THSD7B: variants seen among roughly 807,000 people sequenced by gnomAD.
The protein encoded by THSD7B is thrombospondin type 1 domain containing 7B, also known as thrombospondin type-1 domain-containing protein 7B.
Under a neutral mutation model 213.6 loss-of-function variants are expected in THSD7B, and 138 were observed. That is an observed-to-expected ratio of 0.65 (90% CI 0.56 to 0.74). The LOEUF is 0.74. Among genes scored for constraint, THSD7B ranks in the 30% least tolerant of loss-of-function variants. The probability of loss-of-function intolerance (pLI) is 0.00; values close to 1 mark genes in which losing one functional copy is unlikely to be tolerated. For synonymous variants in THSD7B, 742 were observed against 687.0 expected (o/e 1.08, Z -1.25); for missense variants, 1,931 against 1,991.5 (o/e 0.97, Z 0.58).
chr2:137,201,756 G>C (rs1680879583), intron 7 of THSD7B, among the ~76,000 whole-genome samples: 1 of 152,130 alleles, frequency 6.6e-6, no homozygotes, highest in African/African-American at 2.4e-5. Context: ...GAGAGTGCGA[G>C]GTGCCACATC....
intron 2 of THSD7B, among the ~76,000 whole-genome samples, chr2:136,896,852 A>T (rs1044939375): frequency 1.3e-5 from 2 of 152,064 alleles, no homozygotes; most frequent in Non-Finnish European, 2.9e-5. Flanking sequence ...AATTAAATGT[A>T]AATATTAGAG....
intron 14 of THSD7B, among the ~76,000 whole-genome samples, chr2:137,447,740 T>G (rs1687570646): frequency 6.6e-6 from 1 of 151,884 alleles, no homozygotes; most frequent in African/African-American, 2.4e-5. Flanking sequence ...TTAAATTCAT[T>G]ATAATATTAA....
intron 7 of THSD7B, 70 bp downstream of exon 7, chr2:137,171,008 C>T (rs962603833): frequency 1.2e-5 from 17 of 1,457,542 alleles, no homozygotes; most frequent in Non-Finnish European, 1.5e-5. Context: ...GACCACCCTT[C>T]AATAGATCAT....
At chr2:136,770,950 G>A (rs1040201123) in intron 1 of THSD7B, among the ~76,000 whole-genome samples, 1 of 151,888 alleles carries the variant, frequency 6.6e-6, no homozygotes. Flanking sequence ...TATAAAATAA[G>A]GATATTAAGT....
At chr2:137,552,567 A>G (rs1680870721) in intron 15 of THSD7B, among the ~76,000 whole-genome samples, 1 of 152,180 alleles carries the variant, frequency 6.6e-6, no homozygotes, top group South Asian at 2.1e-4. Context: ...CATAAGCTAT[A>G]AAGTTCTACA....
intron 2 of THSD7B, among the ~76,000 whole-genome samples, chr2:137,005,300 C>T (rs920714210): frequency 6.6e-6 from 1 of 152,192 alleles, no homozygotes; most frequent in Non-Finnish European, 1.5e-5. Context: ...TCTGCCAAAG[C>T]ATGTCAGTTG....
chr2:137,493,800 A>G (rs891630958), intron 15 of THSD7B, among the ~76,000 whole-genome samples: 1 of 152,064 alleles, frequency 6.6e-6, no homozygotes, highest in Non-Finnish European at 1.5e-5. Context: ...CATTTTCATC[A>G]GATGTATTTT....
At chr2:137,196,652 T>C (rs993672868) in intron 7 of THSD7B, among the ~76,000 whole-genome samples, 1 of 152,134 alleles carries the variant, frequency 6.6e-6, no homozygotes, top group Non-Finnish European at 1.5e-5. Context: ...TGACACCTTT[T>C]GCCTTCTGAT....
intron 10 of THSD7B, among the ~76,000 whole-genome samples, chr2:137,248,137 G>A (rs1682084681): frequency 6.6e-6 from 1 of 152,104 alleles, no homozygotes; most frequent in Non-Finnish European, 1.5e-5. Context: ...TACTAGTGGT[G>A]GAGGATGAGA....
chr2:136,933,764 A>C (rs1403729604), intron 2 of THSD7B, among the ~76,000 whole-genome samples: 1 of 152,042 alleles, frequency 6.6e-6, no homozygotes, highest in South Asian at 2.1e-4. Flanking sequence ...TAAGTCTACT[A>C]TATTCTCTTT....
At chr2:136,802,436 G>A (rs927362835) in intron 1 of THSD7B, among the ~76,000 whole-genome samples, 10 of 151,592 alleles carry the variant, frequency 6.6e-5, no homozygotes, top group Admixed American at 5.9e-4. Flanking sequence ...AATAAAGATA[G>A]CTTCTCTTGA....
At chr2:137,298,438 T>G (rs1184357140) in intron 12 of THSD7B, among the ~76,000 whole-genome samples, 2 of 152,070 alleles carry the variant, frequency 1.3e-5, no homozygotes, top group African/African-American at 4.8e-5. Context: ...AACCCATTTT[T>G]TAAGGAGAAA....
intron 9 of THSD7B, among the ~76,000 whole-genome samples, chr2:137,234,770 G>A (rs1005176975): frequency 3.5e-4 from 53 of 152,088 alleles, no homozygotes; most frequent in Admixed American, 2.9e-3. Context: ...GAAGATCAAG[G>A]GAAGTGTATG....
chr2:136,900,791 T>C (rs1458307984), intron 2 of THSD7B, among the ~76,000 whole-genome samples: 1 of 152,198 alleles, frequency 6.6e-6, no homozygotes, highest in East Asian at 1.9e-4. Context: ...TCTGTAAAAA[T>C]CATAGGCTCA....
chr2:137,257,170 T>C (rs1020686178), intron 10 of THSD7B, among the ~76,000 whole-genome samples: 5 of 152,206 alleles, frequency 3.3e-5, no homozygotes, highest in African/African-American at 1.2e-4. Flanking sequence ...GGATTCACTT[T>C]TGTCATGAGT....
chr2:137,514,059 C>T (rs1009359080), intron 15 of THSD7B, among the ~76,000 whole-genome samples: 18 of 152,050 alleles, frequency 1.2e-4, no homozygotes, highest in African/African-American at 4.1e-4. Flanking sequence ...CACTAGATAT[C>T]AATTGAAAAT....
intron 3 of THSD7B, among the ~76,000 whole-genome samples, chr2:137,074,065 A>C (rs930144659): frequency 6.6e-6 from 1 of 151,698 alleles, no homozygotes; most frequent in African/African-American, 2.4e-5. Context: ...CATTCTGTTG[A>C]TTTGGGGTGG....
intron 12 of THSD7B, among the ~76,000 whole-genome samples, chr2:137,346,735 T>C (rs567499232): frequency 5.3e-5 from 8 of 151,882 alleles, no homozygotes; most frequent in East Asian, 3.9e-4. Context: ...TTCTAGCCTA[T>C]AAATTATTTT....
rs191430592 is a variant in THSD7B, at chr2:137,050,692, T to C, written c.140-5728T>C. Among the ~76,000 whole-genome samples the C allele has an allele frequency of 4.5e-4, 69 of 152,364 alleles. 1 individual carries two copies. Among genetic ancestry groups the C allele is most frequent in the African/African-American group, 1.7e-3 (69 of 41,592 alleles). On this transcript the variant is annotated intron_variant, in intron 2 of 27. Coordinates refer to ENST00000409968, the MANE Select transcript of THSD7B (RefSeq NM_001316349.2). The stretch of plus-strand genomic sequence containing the variant: ...TGCTGTTGAATTTTTCTGAGATTTA[T>C]GGGAATACTTTAACACACATATTCA...
Sources: allele counts gnomAD v4.1 joint callset (sites outside exome capture counted in the v4.1 genomes callset), GRCh38; gene constraint gnomAD v4.1.1; transcripts MANE v1.5; gene names NCBI Gene and HGNC (gene_info 2026-07-23, HGNC 2026-07-21).